ZBTB20: variants seen among roughly 807,000 people sequenced by gnomAD.
The protein encoded by ZBTB20 is zinc finger and BTB domain containing 20.
ZBTB20 carries 9 observed loss-of-function variants against 56.9 expected under a neutral mutation model. The ratio of observed to expected loss-of-function variants is 0.16; its 90% CI spans 0.10 to 0.28. ZBTB20 has a LOEUF of 0.28. ZBTB20 is among the 10% of genes least tolerant of loss of function. ZBTB20 has a pLI of 1.00. For synonymous variants in ZBTB20, 417 were observed against 420.7 expected (o/e 0.99, Z 0.11); for missense variants, 655 against 1,003.0 (o/e 0.65, Z 4.69).
chr3:115,009,413 C>T (rs746739196), intron 2 of ZBTB20, among the ~76,000 whole-genome samples: 1 of 151,906 alleles, frequency 6.6e-6, no homozygotes, highest in Non-Finnish European at 1.5e-5. Flanking sequence ...CATACCTATT[C>T]TCCCAACAAT....
chr3:114,892,116 T>C lies in ZBTB20; in HGVS notation c.-417+8188A>G, dbSNP rs1189378482. Among the ~76,000 whole-genome samples the C allele has an allele frequency of 2.6e-5, 4 of 152,342 alleles. No individual in the cohort carries two copies. In the East Asian group the frequency reaches 7.7e-4, roughly 29 times the overall value. ...TACATACTTATTATGTCCTAAAATT[T>C]GTATCTCTCTTTTAGTATACTTCAT... On this transcript the variant is annotated intron_variant, in intron 4 of 11. Transcript: ENST00000675478.
chr3:114,977,176 C>G (rs2078137106), intron 2 of ZBTB20, among the ~76,000 whole-genome samples: 1 of 152,138 alleles, frequency 6.6e-6, no homozygotes, highest in African/African-American at 2.4e-5. Context: ...CACATTTTTC[C>G]AGTGAAGGGA....
intron 7 of ZBTB20, among the ~76,000 whole-genome samples, chr3:114,481,943 A>G (rs982189037): frequency 8.5e-5 from 13 of 152,200 alleles, no homozygotes; most frequent in African/African-American, 3.1e-4. Flanking sequence ...CTTGCCACTC[A>G]CAAGTGTCTC....
At chr3:115,006,954 T>C (rs1184323739) in intron 2 of ZBTB20, among the ~76,000 whole-genome samples, 4 of 151,928 alleles carry the variant, frequency 2.6e-5, no homozygotes, top group African/African-American at 9.7e-5. Flanking sequence ...TCGAGGTAAC[T>C]TCTTTTCTGA....
intron 3 of ZBTB20, among the ~76,000 whole-genome samples, chr3:114,920,461 C>T (rs1413969942): frequency 1.3e-5 from 2 of 151,940 alleles, no homozygotes; most frequent in East Asian, 3.8e-4. Flanking sequence ...AGAAATCAAT[C>T]AAAGGAGAAA....
At chr3:114,767,156 C>T (rs2068844492) in intron 5 of ZBTB20, among the ~76,000 whole-genome samples, 1 of 152,012 alleles carries the variant, frequency 6.6e-6, no homozygotes, top group Admixed American at 6.6e-5. Flanking sequence ...TAATTAGTCT[C>T]TTTATTTTAT....
intron 5 of ZBTB20, among the ~76,000 whole-genome samples, chr3:114,782,102 G>A (rs2070148936): frequency 6.6e-6 from 1 of 152,204 alleles, no homozygotes; most frequent in African/African-American, 2.4e-5. Flanking sequence ...TGAGGAAAGT[G>A]GAGGTGCTGG....
chr3:115,018,859 G>C (rs1488562908), intron 2 of ZBTB20, among the ~76,000 whole-genome samples: 1 of 151,298 alleles, frequency 6.6e-6, no homozygotes, highest in Non-Finnish European at 1.5e-5. Flanking sequence ...TAGTTTATGG[G>C]TGACTGCAGT....
intron 7 of ZBTB20, among the ~76,000 whole-genome samples, chr3:114,480,820 A>G (rs1242160278): frequency 2.7e-5 from 4 of 146,492 alleles, no homozygotes; most frequent in Non-Finnish European, 6.0e-5. Context: ...AAGGCTGGTC[A>G]TTTTTTTTTT....
At chr3:114,673,735 T>C (rs531485923) in intron 6 of ZBTB20, among the ~76,000 whole-genome samples, 1 of 152,306 alleles carries the variant, frequency 6.6e-6, no homozygotes, top group South Asian at 2.1e-4. Context: ...CTTTTATTTG[T>C]AGGGAAAATA....
rs2040824567 is a variant in ZBTB20 at position 114,476,783 on chromosome 3, A to G, written c.-255+23569T>C. Among the ~76,000 whole-genome samples, 2 of 152,252 alleles carry G rather than the reference A, an allele frequency of 1.3e-5. 1 individual carries two copies. The highest frequency in any genetic ancestry group is 4.1e-4 in the South Asian group (2 of 4,834). ...GTCCAACACAAGAACTTTTGGAGACACAGTCAAGCCACAGCCATATGATAA... is the reference window on the plus strand; with the variant it reads ...GTCCAACACAAGAACTTTTGGAGACGCAGTCAAGCCACAGCCATATGATAA... On this transcript the variant is annotated intron_variant, in intron 7 of 11. Coordinates refer to ENST00000675478, the MANE Select transcript of ZBTB20 (RefSeq NM_001348800.3).
intron 4 of ZBTB20, among the ~76,000 whole-genome samples, chr3:114,878,785 C>A (rs573363398): frequency 5.9e-5 from 9 of 151,974 alleles, no homozygotes; most frequent in Admixed American, 2.6e-4. Context: ...TGAAAACACA[C>A]AAAATAACTA....
At chr3:114,592,589 C>T (rs1284350716) in intron 6 of ZBTB20, among the ~76,000 whole-genome samples, 1 of 152,114 alleles carries the variant, frequency 6.6e-6, no homozygotes, top group Non-Finnish European at 1.5e-5. Context: ...AGTATAATGG[C>T]AATCTTCCTG....
intron 5 of ZBTB20, among the ~76,000 whole-genome samples, chr3:114,774,265 A>G (rs2069427262): frequency 6.6e-6 from 1 of 152,226 alleles, no homozygotes; most frequent in South Asian, 2.1e-4. Flanking sequence ...TAATGATTTA[A>G]AATTCTTATA....
intron 5 of ZBTB20, among the ~76,000 whole-genome samples, chr3:114,727,299 T>A (rs1449771926): frequency 1.3e-5 from 2 of 152,208 alleles, no homozygotes; most frequent in African/African-American, 4.8e-5. Flanking sequence ...GAAGGTGGAA[T>A]TTTTATTCCA....
intron 4 of ZBTB20, among the ~76,000 whole-genome samples, chr3:114,888,267 T>A (rs1461176112): frequency 1.3e-5 from 2 of 151,478 alleles, no homozygotes; most frequent in Non-Finnish European, 1.5e-5. Context: ...AAAAAAAAAT[T>A]TAAACATCTG....
rs1034098356 is a variant in ZBTB20, at chr3:114,318,829, G to T, written c.*20176C>A. On this transcript the variant is annotated 3_prime_UTR_variant, in exon 12 of 12. Coordinates refer to ENST00000675478, the MANE Select transcript of ZBTB20 (RefSeq NM_001348800.3). ...TTCTCATTTGGCAAGGCTAAGGCAG[G>T]GGGTAGGGGGAAGAGAAAAGGGGTT... The T allele has an allele frequency of 6.6e-6, 1 of 152,170 alleles. No homozygotes were observed. The highest frequency in any genetic ancestry group is 2.4e-5 in the African/African-American group (1 of 41,428). The allele number at this position is 152,170 out of a possible 1,614,324, so 9.4% of individuals were successfully genotyped here.
intron 7 of ZBTB20, among the ~76,000 whole-genome samples, chr3:114,401,056 C>T (rs1425489356): frequency 7.6e-6 from 1 of 131,064 alleles, no homozygotes; most frequent in Admixed American, 7.6e-5. Context: ...CAAGCCATTT[C>T]CAGGTAGGGA....
chr3:114,909,021 T>C (rs1433663967), intron 3 of ZBTB20, among the ~76,000 whole-genome samples: 2 of 151,982 alleles, frequency 1.3e-5, no homozygotes, highest in Admixed American at 6.6e-5. Context: ...TCTGAAATGA[T>C]GATGAATCTT....
Sources: allele counts gnomAD v4.1 joint callset (sites outside exome capture counted in the v4.1 genomes callset), GRCh38; gene constraint gnomAD v4.1.1; transcripts MANE v1.5; gene names NCBI Gene and HGNC (gene_info 2026-07-23, HGNC 2026-07-21).